ADORA2B: variants seen among roughly 807,000 people sequenced by gnomAD.
ADORA2B encodes adenosine receptor A2b.
Under a neutral mutation model 20.8 loss-of-function variants are expected in ADORA2B, and 18 were observed. The ratio of observed to expected loss-of-function variants is 0.87; its 90% CI spans 0.60 to 1.29. ADORA2B has a LOEUF of 1.29. ADORA2B is among the 50% of genes most tolerant of loss of function. The pLI is 0.00. For missense variants in ADORA2B, 441 were observed against 422.7 expected, an observed-to-expected ratio of 1.04 and a Z score of -0.38; for synonymous variants, 179 against 178.3, an observed-to-expected ratio of 1.00 and a Z score of -0.03.
At chr17:15,929,223 T>A in the ADORA2B span, among the ~76,000 whole-genome samples, 1 of 152,106 alleles carries the variant, frequency 6.6e-6, no homozygotes, top group Non-Finnish European at 1.5e-5. Flanking sequence ...TGGGGGTCAC[T>A]AAGAGGTAGA....
the ADORA2B span, among the ~76,000 whole-genome samples, chr17:15,851,022 G>GA: frequency 6.6e-6 from 1 of 152,128 alleles, no homozygotes; most frequent in Non-Finnish European, 1.5e-5. Flanking sequence ...AACATTTGGA[G>GA]AAATGATTCC....
At chr17:15,865,511 C>T in the ADORA2B span, among the ~76,000 whole-genome samples, 4 of 151,898 alleles carry the variant, frequency 2.6e-5, no homozygotes, top group Admixed American at 6.6e-5. Flanking sequence ...ATCCACCTAC[C>T]TCAGCCTCCC....
chr17:15,897,663 A>G, the ADORA2B span, among the ~76,000 whole-genome samples: 2 of 152,248 alleles, frequency 1.3e-5, no homozygotes, highest in Non-Finnish European at 2.9e-5. Flanking sequence ...GACAAGTCAC[A>G]GAAGAGGATC....
chr17:15,887,763 C>T, the ADORA2B span, among the ~76,000 whole-genome samples: 14 of 124,086 alleles, frequency 1.1e-4, 4 homozygotes, highest in Non-Finnish European at 2.0e-4. Context: ...CTGGCTAACA[C>T]GGTGAAACCA....
chr17:15,958,242 T>A (rs1969994570), intron 1 of ADORA2B, among the ~76,000 whole-genome samples: 2 of 152,186 alleles, frequency 1.3e-5, no homozygotes, highest in Non-Finnish European at 2.9e-5. Context: ...GGTCTCAAAC[T>A]CCCAACGTCA....
At chr17:15,927,751 C>T in the ADORA2B span, among the ~76,000 whole-genome samples, 18 of 152,110 alleles carry the variant, frequency 1.2e-4, no homozygotes, top group Non-Finnish European at 8.8e-5. Context: ...GCAGATGGAG[C>T]GGCTGTGGAG....
chr17:15,928,299 G>T, the ADORA2B span, among the ~76,000 whole-genome samples: 1 of 152,048 alleles, frequency 6.6e-6, no homozygotes, highest in Non-Finnish European at 1.5e-5. Context: ...ACAGAGAAAT[G>T]GGGAGATCAT....
intron 1 of ADORA2B, among the ~76,000 whole-genome samples, chr17:15,952,675 C>G (rs115679132): frequency 6.6e-6 from 1 of 152,276 alleles, no homozygotes; most frequent in East Asian, 1.9e-4. Context: ...GTCAAATGGA[C>G]GAGTGAGGAA....
At position 15,959,042 on chromosome 17, in the gene ADORA2B, T is replaced by A. The variant is rs549742773; in HGVS notation, c.335+13459T>A. ...GGGGGTGGGATTAGCTCTGAACCGATGAGCTTGTTGCCTAAAGATAAGAAT... is the reference window on the plus strand; with the variant it reads ...GGGGGTGGGATTAGCTCTGAACCGAAGAGCTTGTTGCCTAAAGATAAGAAT... On this transcript the variant is annotated intron_variant, in intron 1 of 1. Transcript: ENST00000304222. Among the ~76,000 whole-genome samples the A allele has an allele frequency of 3.3e-5, 5 of 152,312 alleles. No homozygotes were observed. In the South Asian group the frequency reaches 8.3e-4, roughly 25 times the overall value.
chr17:15,933,378 T>A, the ADORA2B span, among the ~76,000 whole-genome samples: 1 of 152,234 alleles, frequency 6.6e-6, no homozygotes, highest in African/African-American at 2.4e-5. Context: ...GTAGATCAAT[T>A]TCGGTAGCAT....
the ADORA2B span, among the ~76,000 whole-genome samples, chr17:15,925,919 G>A: frequency 1.3e-5 from 2 of 151,948 alleles, no homozygotes; most frequent in East Asian, 1.9e-4. Context: ...GCAATGAGCC[G>A]AGATCTCTCT....
At chr17:15,939,688 C>T in the ADORA2B span, among the ~76,000 whole-genome samples, 1 of 151,892 alleles carries the variant, frequency 6.6e-6, no homozygotes, top group South Asian at 2.1e-4. Flanking sequence ...GAAACCCTGT[C>T]TCTACTAAAA....
At chr17:15,877,020 T>C in the ADORA2B span, among the ~76,000 whole-genome samples, 1 of 152,234 alleles carries the variant, frequency 6.6e-6, no homozygotes, top group Non-Finnish European at 1.5e-5. Context: ...CCTTTTTGTC[T>C]GGCTTATTTC....
the ADORA2B span, among the ~76,000 whole-genome samples, chr17:15,894,354 AG>A: frequency 5.3e-5 from 8 of 152,196 alleles, no homozygotes; most frequent in Non-Finnish European, 8.8e-5. Context: ...CATTTAGATG[AG>A]GGGAGACAGT....
chr17:15,874,179 A>G, the ADORA2B span, among the ~76,000 whole-genome samples: 10 of 151,676 alleles, frequency 6.6e-5, no homozygotes, highest in East Asian at 1.9e-3. Flanking sequence ...AACAACTTGG[A>G]TGGAGCTGGA....
rs1179172116 is a variant in ADORA2B at position 15,974,864 on chromosome 17, A to C, written c.521A>C (p.Glu174Ala). 1 of 1,614,104 alleles carries C rather than the reference A, an allele frequency of 6.2e-7. No individual in the cohort carries two copies. The highest frequency in any genetic ancestry group is 2.2e-5 in the East Asian group (1 of 44,866). Residue 174 changes from glutamate to alanine, a missense_variant, in exon 2 of 2, where the codon GAG becomes GCG. Coordinates refer to ENST00000304222, the MANE Select transcript of ADORA2B (RefSeq NM_000676.4). ...ESCCLVKCLFENVVPMSYMVY... is the reference protein window; with the variant it reads ...ESCCLVKCLFANVVPMSYMVY... ...TGCTGCCTTGTGAAGTGTCTCTTTGAGAATGTGGTCCCCATGAGCTACATG... is the reference window on the plus strand; with the variant it reads ...TGCTGCCTTGTGAAGTGTCTCTTTGCGAATGTGGTCCCCATGAGCTACATG...
At chr17:15,967,245 T>TC (rs1224447543) in intron 1 of ADORA2B, among the ~76,000 whole-genome samples, 6 of 150,158 alleles carry the variant, frequency 4.0e-5, no homozygotes, top group Admixed American at 2.6e-4. Flanking sequence ...TTTTTTTTTT[T>TC]CGAGATGGAG....
chr17:15,971,034 A>T (rs1397356719), intron 1 of ADORA2B, among the ~76,000 whole-genome samples: 1 of 152,220 alleles, frequency 6.6e-6, no homozygotes, highest in Non-Finnish European at 1.5e-5. Context: ...CACTTCATGT[A>T]TCCACTAGAC....
the ADORA2B span, among the ~76,000 whole-genome samples, chr17:15,906,318 C>T: frequency 6.6e-5 from 10 of 152,264 alleles, no homozygotes; most frequent in African/African-American, 2.4e-4. Flanking sequence ...AAATAACTGT[C>T]GTAGTTGTTG....
Sources: gnomAD v4.1 joint callset for allele counts (sites outside exome capture counted in the v4.1 genomes callset) on GRCh38, gnomAD v4.1.1 for gene constraint, MANE v1.5 for transcripts, NCBI Gene and HGNC (gene_info 2026-07-23, HGNC 2026-07-21) for gene names.